The following ROBO1 variants were observed in gnomAD, a reference collection of about 807,000 sequenced individuals.
ROBO1 encodes the protein roundabout homolog 1.
ROBO1 carries 149 observed loss-of-function variants against 195.9 expected under a neutral mutation model. The ratio of observed to expected loss-of-function variants is 0.76; its 90% CI spans 0.67 to 0.87. ROBO1 has a LOEUF of 0.87. ROBO1 is among the 40% of genes least tolerant of loss of function. The pLI is 0.00. For missense variants in ROBO1, 1,933 were observed against 2,068.3 expected (o/e 0.93, Z 1.27); for synonymous variants, 816 against 733.2 (o/e 1.11, Z -1.82).
intron 2 of ROBO1, among the ~76,000 whole-genome samples, chr3:79,427,389 T>C (rs1184279355): frequency 6.6e-6 from 1 of 152,182 alleles, no homozygotes; most frequent in Non-Finnish European, 1.5e-5. Flanking sequence ...TCTGGATTAT[T>C]TCTAATGTCT....
At chr3:79,356,162 A>T (rs1301114834) in intron 2 of ROBO1, among the ~76,000 whole-genome samples, 1 of 152,088 alleles carries the variant, frequency 6.6e-6, no homozygotes, top group Non-Finnish European at 1.5e-5. Context: ...CCAACATGGC[A>T]AAACTCTTTC....
intron 3 of ROBO1, among the ~76,000 whole-genome samples, chr3:78,958,625 C>A (rs961483860): frequency 6.6e-6 from 1 of 151,160 alleles, no homozygotes; most frequent in Non-Finnish European, 1.5e-5. Context: ...AAAAAATCCA[C>A]GATTTCAAGT....
Position 79,431,985 on chromosome 3 carries a change from T to A in ROBO1, c.88+157839A>T, listed in dbSNP as rs528683795. ...ACACTCTTAGTAGATAAAATGACAATGTGCAAAGTGAGATAATCTAATTAC... is the reference window on the plus strand; with the variant it reads ...ACACTCTTAGTAGATAAAATGACAAAGTGCAAAGTGAGATAATCTAATTAC... On this transcript the variant is annotated intron_variant, in intron 2 of 30. Transcript: ENST00000464233. Among the ~76,000 whole-genome samples the A allele has an allele frequency of 2.0e-5, 3 of 152,182 alleles. No individual in the cohort carries two copies. The South Asian group carries it at 6.2e-4, about 32-fold the overall frequency.
intron 3 of ROBO1, among the ~76,000 whole-genome samples, chr3:79,068,346 A>G (rs1386285688): frequency 6.6e-6 from 1 of 151,870 alleles, no homozygotes; most frequent in Admixed American, 6.6e-5. Flanking sequence ...TAGGGTTTTT[A>G]CCCGTGTTCC....
intron 2 of ROBO1, among the ~76,000 whole-genome samples, chr3:79,214,475 G>A (rs1024172965): frequency 6.6e-6 from 1 of 152,062 alleles, no homozygotes; most frequent in South Asian, 2.1e-4. Flanking sequence ...TAATTACCTG[G>A]ACATCAGGCA....
chr3:79,596,293 T>C (rs1474001087), intron 1 of ROBO1, among the ~76,000 whole-genome samples: 1 of 152,082 alleles, frequency 6.6e-6, no homozygotes, highest in Non-Finnish European at 1.5e-5. Flanking sequence ...ATAAATATAC[T>C]ATCTTCATGT....
At chr3:79,627,515 G>A (rs1945213912) in intron 1 of ROBO1, among the ~76,000 whole-genome samples, 1 of 152,172 alleles carries the variant, frequency 6.6e-6, no homozygotes, top group Admixed American at 6.5e-5. Flanking sequence ...ATGGATTAGA[G>A]ACTTAAATGT....
intron 2 of ROBO1, among the ~76,000 whole-genome samples, chr3:79,359,448 CAA>C (rs1315480271): frequency 6.6e-6 from 1 of 151,962 alleles, no homozygotes; most frequent in Non-Finnish European, 1.5e-5. Context: ...AACTTTCAAA[CAA>C]AGAGGCACCA....
intron 3 of ROBO1, among the ~76,000 whole-genome samples, chr3:79,045,970 T>A (rs1295144448): frequency 6.6e-6 from 1 of 152,170 alleles, no homozygotes; most frequent in African/African-American, 2.4e-5. Flanking sequence ...CCATTATGAA[T>A]GTAGGTTATT....
At chr3:78,749,914 T>C (rs932559058) in intron 4 of ROBO1, among the ~76,000 whole-genome samples, 41 of 152,144 alleles carry the variant, frequency 2.7e-4, no homozygotes, top group Admixed American at 2.6e-3. Context: ...CTAATACTAA[T>C]TTGAAAAGAG....
chr3:79,000,483 C>A (rs2077475748), intron 3 of ROBO1, among the ~76,000 whole-genome samples: 1 of 152,014 alleles, frequency 6.6e-6, no homozygotes, highest in South Asian at 2.1e-4. Flanking sequence ...AGACACTTTT[C>A]AAAAGAAGAT....
Position 79,427,087 on chromosome 3 carries a change from A to G in ROBO1, c.88+162737T>C, listed in dbSNP as rs369624262. Among the ~76,000 whole-genome samples, 71 of 152,298 alleles carry G rather than the reference A, an allele frequency of 4.7e-4. No homozygotes were observed. The East Asian group carries it at 0.011, about 24-fold the overall frequency. Reference sequence around the variant, plus strand: ...GGAGACTGACTCTTTCAAGCTCTGTACTTGTTTTCCAAGATCCAAGTCATT... The same window carrying G: ...GGAGACTGACTCTTTCAAGCTCTGTGCTTGTTTTCCAAGATCCAAGTCATT... On this transcript the variant is annotated intron_variant, in intron 2 of 30. Transcript: ENST00000464233.
At chr3:79,488,098 T>C (rs1939257439) in intron 2 of ROBO1, among the ~76,000 whole-genome samples, 1 of 152,168 alleles carries the variant, frequency 6.6e-6, no homozygotes, top group African/African-American at 2.4e-5. Context: ...AAATAATGCT[T>C]TCTTTTTAAC....
chr3:78,626,490 C>T (rs2107471053), intron 26 of ROBO1, among the ~76,000 whole-genome samples: 1 of 152,072 alleles, frequency 6.6e-6, no homozygotes, highest in East Asian at 1.9e-4. Context: ...TCGAGAATAT[C>T]AAAGGAACCT....
intron 3 of ROBO1, among the ~76,000 whole-genome samples, chr3:79,070,036 T>TA (rs1202276275): frequency 6.6e-6 from 1 of 151,874 alleles, no homozygotes. Flanking sequence ...TCTATTCATT[T>TA]ACTGGTTATT....
intron 2 of ROBO1, among the ~76,000 whole-genome samples, chr3:79,493,588 A>C (rs2107462765): frequency 6.6e-6 from 1 of 152,180 alleles, no homozygotes; most frequent in Non-Finnish European, 1.5e-5. Flanking sequence ...TTTTTACTGA[A>C]AATATTTAAA....
intron 3 of ROBO1, among the ~76,000 whole-genome samples, chr3:79,095,199 G>T (rs1051658998): frequency 6.6e-6 from 1 of 151,850 alleles, no homozygotes; most frequent in African/African-American, 2.4e-5. Flanking sequence ...CAAATTTTTT[G>T]ATATTCCTTC....
rs1374912271 is a variant in ROBO1, at chr3:79,134,396, T to C, written c.89-8857A>G. Among the ~76,000 whole-genome samples, 9 of 63,560 alleles carry C rather than the reference T, an allele frequency of 1.4e-4. No homozygotes were observed. In the East Asian group the frequency reaches 3.0e-3, roughly 22 times the overall value. 41.7% of individuals were successfully genotyped at this position (63,560 alleles called of 152,430 possible). A position where few individuals can be genotyped will look rare whatever the true frequency, so the allele number is the denominator to read the frequency against. ...TAAAAAGTCAGGAAACAACAGGTGC[T>C]GGAGAGGATGTGGAGAAATAGGAAC... On this transcript the variant is annotated intron_variant, in intron 2 of 30. Coordinates refer to ENST00000464233, the MANE Select transcript of ROBO1 (RefSeq NM_002941.4).
intron 2 of ROBO1, among the ~76,000 whole-genome samples, chr3:79,363,153 C>G (rs1577023316): frequency 6.6e-6 from 1 of 152,134 alleles, no homozygotes; most frequent in African/African-American, 2.4e-5. Flanking sequence ...TTTTATGAAA[C>G]ACATAAAATC....
Sources: allele counts gnomAD v4.1 joint callset (sites outside exome capture counted in the v4.1 genomes callset), GRCh38; gene constraint gnomAD v4.1.1; transcripts MANE v1.5; gene names NCBI Gene and HGNC (gene_info 2026-07-23, HGNC 2026-07-21).